The following ZDHHC4 variants were observed in gnomAD, a reference collection of about 807,000 sequenced individuals.
ZDHHC4 encodes the protein palmitoyltransferase ZDHHC4.
In ZDHHC4, 42 loss-of-function variants were observed where a neutral mutation model predicts 36.7. The observed-to-expected ratio is 1.14, with a 90% confidence interval of 0.89 to 1.48. The LOEUF (loss-of-function observed/expected upper bound fraction) is 1.48, where lower values mean the gene tolerates loss of function less well. ZDHHC4 is among the 40% of genes most tolerant of loss of function. The pLI is 0.00. For missense variants in ZDHHC4, 457 were observed against 421.5 expected, an observed-to-expected ratio of 1.08 and a Z score of -0.74; for synonymous variants, 189 against 166.6, an observed-to-expected ratio of 1.13 and a Z score of -1.03.
rs58219005 is a variant in ZDHHC4 at position 6,582,295 on chromosome 7, G to C, written c.370+44G>C. On this transcript the variant is annotated intron_variant, in intron 5 of 7. Coordinates refer to ENST00000335965, the MANE Select transcript of ZDHHC4 (RefSeq NM_001134389.2). ...CATACAGCATGGTGACAGCTCCACT[G>C]TCTTACTAATAGTGCTGCAAACAAG... 3,075 of 1,572,056 alleles carry C rather than the reference G, an allele frequency of 2.0e-3. 55 individuals carry two copies. In the African/African-American group the frequency reaches 0.036, roughly 18 times the overall value.
Position 6,581,704 on chromosome 7 carries a change from T to C in ZDHHC4, c.191+24T>C, listed in dbSNP as rs763182701. On this transcript the variant is annotated intron_variant, in intron 4 of 7. Coordinates refer to ENST00000335965, the MANE Select transcript of ZDHHC4 (RefSeq NM_001134389.2). ...AGGTATTTCTCTTTCAGAGTTTAAATATTCTCCTCTTTTCTGCTTTGATTA... is the reference window on the plus strand; with the variant it reads ...AGGTATTTCTCTTTCAGAGTTTAAACATTCTCCTCTTTTCTGCTTTGATTA... 5.8e-6 allele frequency: 9 copies of C among 1,542,046 alleles called. No individual in the cohort carries two copies. In the East Asian group the frequency reaches 1.6e-4, roughly 27 times the overall value.
At chr7:6,585,659 A>C (rs1232278864) in intron 7 of ZDHHC4, among the ~76,000 whole-genome samples, 1 of 151,624 alleles carries the variant, frequency 6.6e-6, no homozygotes, top group Admixed American at 6.6e-5. Context: ...CAAAAAAATT[A>C]GCTGGGTGTG....
At chr7:6,585,292 TTC>T (rs1242647018) in intron 7 of ZDHHC4, 32 bp downstream of exon 7, 3 of 1,596,840 alleles carry the variant, frequency 1.9e-6, no homozygotes, top group Admixed American at 3.5e-5. Flanking sequence ...GACTTCAAGT[TTC>T]AGAATCGCAA....
At chr7:6,581,056 G>C (rs1316511470) in intron 3 of ZDHHC4, 1 of 265,286 alleles carries the variant, frequency 3.8e-6, no homozygotes, top group African/African-American at 2.2e-5. Flanking sequence ...TTTGAGAGAA[G>C]AGGTTGCTGT....
chr7:6,581,815 C>T (rs1273864103), intron 4 of ZDHHC4, 135 bp downstream of exon 4: 1 of 813,302 alleles, frequency 1.2e-6, no homozygotes, highest in African/African-American at 1.7e-5. Context: ...AATCACGAGT[C>T]CTGAGTTGGG....
At chr7:6,579,280 A>C (rs1780672627) in intron 2 of ZDHHC4, among the ~76,000 whole-genome samples, 1 of 150,074 alleles carries the variant, frequency 6.7e-6, no homozygotes, top group African/African-American at 2.5e-5. Flanking sequence ...GGCTCACTGC[A>C]ACCTCCGCTT....
At chr7:6,583,506 C>T (rs1290017585) in intron 6 of ZDHHC4, 75 bp downstream of exon 6, 2 of 1,538,412 alleles carry the variant, frequency 1.3e-6, no homozygotes, top group Non-Finnish European at 1.7e-6. Flanking sequence ...GGGAATGTTT[C>T]CTGAATCCGA....
intron 2 of ZDHHC4, among the ~76,000 whole-genome samples, chr7:6,579,232 G>A (rs940533483): frequency 7.5e-5 from 11 of 146,254 alleles, no homozygotes; most frequent in East Asian, 2.0e-4. Flanking sequence ...ACGGAGTCTC[G>A]CTCTGTTGCC....
At position 6,588,788 on chromosome 7, in the gene ZDHHC4, G is replaced by C. The variant is rs748979333; in HGVS notation, c.913G>C (p.Ala305Pro). The C allele has an allele frequency of 5.0e-6, 8 of 1,614,214 alleles. No homozygotes were observed. In the South Asian group the frequency reaches 7.7e-5, roughly 16 times the overall value. Residue 305 changes from alanine to proline, a missense_variant, in exon 8 of 8, where the codon GCC becomes CCC. Ala to Pro is a conservative substitution (Grantham distance 27). Transcript: ENST00000335965. ...WAWCQRCPLV[A>P]WPPSAEPQVH... is the part of the protein sequence containing the mutation. ...CTGGTGCCAGCGTTGTCCCCTTGTG[G>C]CCTGGCCTCCGTCAGCAGAGCCCCA...
intron 2 of ZDHHC4, among the ~76,000 whole-genome samples, chr7:6,579,114 A>C (rs1034011459): frequency 6.6e-6 from 1 of 150,908 alleles, no homozygotes; most frequent in African/African-American, 2.4e-5. Context: ...ACGAGCCACT[A>C]CGGCCGGCCA....
intron 6 of ZDHHC4, 84 bp from the exon 7 acceptor site, chr7:6,584,932 C>T (rs1241792477): frequency 6.4e-7 from 1 of 1,554,878 alleles, no homozygotes; most frequent in Admixed American, 1.8e-5. Flanking sequence ...ATCCAGTGGA[C>T]AGATTATGAA....
At chr7:6,586,216 T>G (rs7794450) in intron 7 of ZDHHC4, among the ~76,000 whole-genome samples, 75,537 of 151,838 alleles carry the variant, frequency 0.5, 20,454 homozygotes, top group African/African-American at 0.72. Context: ...TATCCCACAG[T>G]GGTATAAGTA....
chr7:6,589,060 T>C lies in ZDHHC4; in HGVS notation c.*150T>C. On this transcript the variant is annotated 3_prime_UTR_variant, in exon 8 of 8. Coordinates refer to ENST00000335965, the MANE Select transcript of ZDHHC4 (RefSeq NM_001134389.2). ...GAGAGAGGGGAAAATGGGTGTTGAC[T>C]GAGGAATCCCCCTTGCTTGTCTTCT... 1.1e-6 allele frequency: 1 copy of C among 941,602 alleles called. No homozygotes were observed. 58.3% of individuals were successfully genotyped at this position (941,602 alleles called of 1,614,324 possible).
chr7:6,587,010 A>C (rs961988505), intron 7 of ZDHHC4, among the ~76,000 whole-genome samples: 2 of 149,362 alleles, frequency 1.3e-5, no homozygotes, highest in Admixed American at 1.3e-4. Flanking sequence ...TCTTGGGTAC[A>C]TTCCACCTAG....
chr7:6,582,907 C>T (rs553127116), intron 5 of ZDHHC4, among the ~76,000 whole-genome samples: 1 of 152,174 alleles, frequency 6.6e-6, no homozygotes, highest in South Asian at 2.1e-4. Flanking sequence ...GGCGCGGTGG[C>T]TCACACAATC....
At chr7:6,583,255 ATCCAG>A in intron 5 of ZDHHC4, 46 bp from the exon 6 acceptor site, 1 of 1,605,710 alleles carries the variant, frequency 6.2e-7, no homozygotes. Flanking sequence ...TTTTGTGACT[ATCCAG>A]TCCAAAGTAT....
chr7:6,578,826 C>T (rs1780625070), intron 2 of ZDHHC4, 106 bp downstream of exon 2: 1 of 152,242 alleles, frequency 6.6e-6, no homozygotes, highest in South Asian at 2.1e-4. Context: ...CTTGGCATTA[C>T]AGCCCAGAAT....
intron 6 of ZDHHC4, 191 bp from the exon 7 acceptor site, chr7:6,584,825 T>C: frequency 1.4e-6 from 1 of 721,760 alleles, no homozygotes; most frequent in Non-Finnish European, 2.2e-6. Context: ...TTGCAAGTGC[T>C]CAATACCCAC....
At chr7:6,583,491 T>C in intron 6 of ZDHHC4, 60 bp downstream of exon 6, 1 of 1,556,582 alleles carries the variant, frequency 6.4e-7, no homozygotes, top group Middle Eastern at 1.7e-4. Flanking sequence ...GGGCTTCGTC[T>C]GTGAGGGAAT....
Sources: gnomAD v4.1 joint callset for allele counts (sites outside exome capture counted in the v4.1 genomes callset) on GRCh38, gnomAD v4.1.1 for gene constraint, MANE v1.5 for transcripts, NCBI Gene and HGNC (gene_info 2026-07-23, HGNC 2026-07-21) for gene names.